The following SPIDR variants were observed in gnomAD, a reference collection of about 807,000 sequenced individuals.
SPIDR encodes the protein scaffold protein involved in DNA repair, also known as DNA repair-scaffolding protein.
SPIDR carries 93 observed loss-of-function variants against 104.6 expected under a neutral mutation model. That is an observed-to-expected ratio of 0.89 (90% CI 0.75 to 1.06). SPIDR has a LOEUF of 1.06. Ranked by LOEUF, SPIDR falls within the 50% of genes least tolerant of loss-of-function variation. The pLI, the probability that SPIDR is intolerant of heterozygous loss-of-function variation, is 0.00. For synonymous variants in SPIDR, 431 were observed against 416.9 expected (o/e 1.03, Z -0.41); for missense variants, 1,154 against 1,111.2 (o/e 1.04, Z -0.55).
chr8:47,629,618 C>T (rs973034221), intron 10 of SPIDR, among the ~76,000 whole-genome samples: 4 of 152,076 alleles, frequency 2.6e-5, no homozygotes, highest in East Asian at 1.9e-4. Context: ...CTGGGTGTGG[C>T]GGCATGAACC....
chr8:47,712,558 A>G, intron 14 of SPIDR, 104 bp from the exon 15 acceptor site: 2 of 1,260,960 alleles, frequency 1.6e-6, no homozygotes, highest in African/African-American at 1.5e-5. Context: ...GTGTTTTTGA[A>G]ATAATATCTT....
intron 7 of SPIDR, among the ~76,000 whole-genome samples, chr8:47,434,822 A>G (rs150518577): frequency 0.015 from 2,247 of 152,286 alleles, 31 homozygotes; most frequent in Non-Finnish European, 0.022. Context: ...AATATAACCT[A>G]CTTAGGAAGA....
At position 47,657,196 on chromosome 8, in the gene SPIDR, T is replaced by C. The variant is rs1050480444; in HGVS notation, c.1545-16605T>C. 9.8e-5 allele frequency among the ~76,000 whole-genome samples: 15 copies of C among 152,300 alleles called. 2 individuals carry two copies. The highest frequency in any genetic ancestry group is 3.4e-3 in the Middle Eastern group (1 of 294). Reference sequence around the variant, plus strand: ...TTTGCTACAATATAAACAGGTCCATTCTATGGCATGTGAATTATACCTCAG... The same window carrying C: ...TTTGCTACAATATAAACAGGTCCATCCTATGGCATGTGAATTATACCTCAG... On this transcript the variant is annotated intron_variant, in intron 10 of 19. Coordinates refer to ENST00000297423, the MANE Select transcript of SPIDR (RefSeq NM_001080394.4).
intron 10 of SPIDR, among the ~76,000 whole-genome samples, chr8:47,639,669 C>T (rs766130983): frequency 2.0e-5 from 3 of 152,090 alleles, no homozygotes; most frequent in Non-Finnish European, 4.4e-5. Context: ...ATTTATTGGC[C>T]AGGTGCAGTG....
chr8:47,419,058 G>T (rs1777917918), intron 7 of SPIDR: 1 of 152,184 alleles, frequency 6.6e-6, no homozygotes, highest in South Asian at 2.1e-4. Context: ...ATGTTCCTCA[G>T]GGATATTGGT....
intron 1 of SPIDR, among the ~76,000 whole-genome samples, chr8:47,274,806 C>T (rs1258983017): frequency 6.6e-6 from 1 of 151,542 alleles, no homozygotes; most frequent in Non-Finnish European, 1.5e-5. Flanking sequence ...GAACTCCTGA[C>T]CTTGTGATCC....
intron 2 of SPIDR, among the ~76,000 whole-genome samples, chr8:47,283,668 G>C (rs2038256168): frequency 6.6e-6 from 1 of 152,142 alleles, no homozygotes; most frequent in South Asian, 2.1e-4. Flanking sequence ...AGATATTCTG[G>C]ATAATTTTTG....
chr8:47,521,883 G>A (rs976927157), intron 8 of SPIDR, among the ~76,000 whole-genome samples: 8 of 151,898 alleles, frequency 5.3e-5, no homozygotes, highest in Non-Finnish European at 1.0e-4. Context: ...TATGAATGAG[G>A]CCAGGCACGA....
At chr8:47,564,434 C>G (rs1425613729) in intron 8 of SPIDR, among the ~76,000 whole-genome samples, 1 of 152,128 alleles carries the variant, frequency 6.6e-6, no homozygotes, top group Non-Finnish European at 1.5e-5. Flanking sequence ...AATCCCAACA[C>G]TTTGGGAGGC....
At chr8:47,421,054 A>C (rs1271319959) in intron 7 of SPIDR, among the ~76,000 whole-genome samples, 1 of 152,086 alleles carries the variant, frequency 6.6e-6, no homozygotes, top group African/African-American at 2.4e-5. Context: ...TTTTTCCTCC[A>C]TTTCAACTTT....
intron 10 of SPIDR, among the ~76,000 whole-genome samples, chr8:47,624,874 C>T (rs1474294246): frequency 6.6e-6 from 1 of 152,098 alleles, no homozygotes; most frequent in African/African-American, 2.4e-5. Flanking sequence ...GGAATCCTCC[C>T]TAACTCATTT....
At chr8:47,275,045 G>A (rs1165771542) in intron 1 of SPIDR, among the ~76,000 whole-genome samples, 1 of 151,408 alleles carries the variant, frequency 6.6e-6, no homozygotes, top group Non-Finnish European at 1.5e-5. Context: ...GGATCACGAG[G>A]TCAGGAGATC....
chr8:47,263,446 G>A (rs761552152), intron 1 of SPIDR, among the ~76,000 whole-genome samples: 8 of 151,762 alleles, frequency 5.3e-5, no homozygotes, highest in East Asian at 3.9e-4. Flanking sequence ...GTGCAGTGGC[G>A]CGATCTCGGT....
intron 8 of SPIDR, among the ~76,000 whole-genome samples, chr8:47,450,327 A>G (rs4873106): frequency 0.53 from 80,645 of 152,002 alleles, 24,935 homozygotes; most frequent in East Asian, 0.72. Flanking sequence ...TGCTTTTATA[A>G]CAAGGCCATT....
At position 47,735,288 on chromosome 8, in the gene SPIDR, G is replaced by A. The variant is rs887021903; in HGVS notation, c.2605-19G>A. 1.9e-6 allele frequency: 3 copies of A among 1,613,030 alleles called. No homozygotes were observed. The highest frequency in any genetic ancestry group is 2.5e-6 in the Non-Finnish European group (3 of 1,179,146). ...TCCCAGGCTGTTTGCTTTAACCAGCGTGCCTTTTATCACTGCAGAGCTACG... is the reference window on the plus strand; with the variant it reads ...TCCCAGGCTGTTTGCTTTAACCAGCATGCCTTTTATCACTGCAGAGCTACG... On this transcript the variant is annotated intron_variant, in intron 19 of 19. Coordinates refer to ENST00000297423, the MANE Select transcript of SPIDR (RefSeq NM_001080394.4).
chr8:47,340,116 T>C (rs1207905078), intron 5 of SPIDR, among the ~76,000 whole-genome samples: 7 of 152,212 alleles, frequency 4.6e-5, no homozygotes, highest in African/African-American at 1.2e-4. Context: ...GTGGCTGTTA[T>C]GATTTTATAT....
chr8:47,357,841 T>A (rs2054867848), intron 5 of SPIDR: 1 of 984,828 alleles, frequency 1.0e-6, no homozygotes, highest in African/African-American at 1.7e-5. Flanking sequence ...TCATACATGT[T>A]AATCGTCTAG....
At chr8:47,330,308 A>G (rs782021881) in intron 5 of SPIDR, among the ~76,000 whole-genome samples, 2 of 152,050 alleles carry the variant, frequency 1.3e-5, no homozygotes, top group Non-Finnish European at 2.9e-5. Flanking sequence ...TTATCAACAT[A>G]TCCCCCACCA....
chr8:47,487,250 G>A (rs1554732132), intron 8 of SPIDR, among the ~76,000 whole-genome samples: 1 of 152,156 alleles, frequency 6.6e-6, no homozygotes, highest in Non-Finnish European at 1.5e-5. Flanking sequence ...GATGAAAAGA[G>A]ACAAAGTTGG....
Sources: allele counts gnomAD v4.1 joint callset (sites outside exome capture counted in the v4.1 genomes callset), GRCh38; gene constraint gnomAD v4.1.1; transcripts MANE v1.5; gene names NCBI Gene and HGNC (gene_info 2026-07-23, HGNC 2026-07-21).